The following VSNL1 variants were observed in gnomAD, a reference collection of about 807,000 sequenced individuals.
The protein encoded by VSNL1 is visinin-like protein 1.
Under a neutral mutation model 20.4 loss-of-function variants are expected in VSNL1, and 6 were observed. That is an observed-to-expected ratio of 0.29 (90% CI 0.16 to 0.58). VSNL1 has a LOEUF of 0.58. Among genes scored for constraint, VSNL1 ranks in the 20% least tolerant of loss-of-function variants. VSNL1 has a pLI of 0.90. For missense variants in VSNL1, 100 were observed against 234.5 expected, an observed-to-expected ratio of 0.43 and a Z score of 3.75; for synonymous variants, 93 against 86.4, an observed-to-expected ratio of 1.08 and a Z score of -0.42.
chr2:17,559,579 C>T (rs1225751280), intron 1 of VSNL1, among the ~76,000 whole-genome samples: 1 of 152,112 alleles, frequency 6.6e-6, no homozygotes, highest in East Asian at 1.9e-4. Flanking sequence ...GCTTTAGTTT[C>T]ATCATATGTA....
chr2:17,633,312 C>T (rs941190443), intron 2 of VSNL1, among the ~76,000 whole-genome samples: 3 of 125,126 alleles, frequency 2.4e-5, no homozygotes, highest in African/African-American at 6.1e-5. Context: ...GGTGGAGACA[C>T]AGCCAAACCA....
intron 1 of VSNL1, among the ~76,000 whole-genome samples, chr2:17,573,769 G>A (rs1664135952): frequency 6.6e-6 from 1 of 152,220 alleles, no homozygotes; most frequent in Admixed American, 6.5e-5. Context: ...CAACTGAAGA[G>A]AATATTGGAT....
At chr2:17,563,425 T>C (rs1040031576) in intron 1 of VSNL1, among the ~76,000 whole-genome samples, 1 of 152,162 alleles carries the variant, frequency 6.6e-6, no homozygotes, top group Non-Finnish European at 1.5e-5. Flanking sequence ...ATGGAGAGAA[T>C]ACAGAATATG....
At chr2:17,541,770 A>G (rs1663289840) in intron 1 of VSNL1, 1 of 152,240 alleles carries the variant, frequency 6.6e-6, no homozygotes, top group East Asian at 1.9e-4. Flanking sequence ...AGAAACTGGA[A>G]GAAGGGTCTT....
chr2:17,651,911 G>A (rs897806424), intron 3 of VSNL1, among the ~76,000 whole-genome samples: 1 of 152,208 alleles, frequency 6.6e-6, no homozygotes, highest in African/African-American at 2.4e-5. Context: ...AGAGTGCTGA[G>A]ATTAGTTTTG....
intron 1 of VSNL1, among the ~76,000 whole-genome samples, chr2:17,553,814 A>G (rs1312007843): frequency 6.6e-6 from 1 of 152,240 alleles, no homozygotes; most frequent in Non-Finnish European, 1.5e-5. Flanking sequence ...TATCCATTAA[A>G]TGCTTAGCGG....
At chr2:17,627,460 G>C (rs1263684659) in intron 2 of VSNL1, among the ~76,000 whole-genome samples, 2 of 152,204 alleles carry the variant, frequency 1.3e-5, no homozygotes, top group African/African-American at 4.8e-5. Context: ...GTCTATGCAG[G>C]AGATGAGTTT....
At chr2:17,596,236 G>T (rs1440936214) in intron 2 of VSNL1, among the ~76,000 whole-genome samples, 2 of 152,182 alleles carry the variant, frequency 1.3e-5, no homozygotes, top group Non-Finnish European at 2.9e-5. Context: ...AGGGATTTCT[G>T]TGTGTCTGGC....
At chr2:17,646,048 A>T (rs1236526073) in intron 2 of VSNL1, among the ~76,000 whole-genome samples, 1 of 152,110 alleles carries the variant, frequency 6.6e-6, no homozygotes, top group African/African-American at 2.4e-5. Flanking sequence ...ATCACAGTAA[A>T]ATTTTATACT....
At chr2:17,652,927 C>T (rs867889213) in intron 3 of VSNL1, among the ~76,000 whole-genome samples, 10 of 152,308 alleles carry the variant, frequency 6.6e-5, no homozygotes, top group African/African-American at 1.2e-4. Flanking sequence ...CCTTGTGCTG[C>T]GGTCCAGGAA....
intron 1 of VSNL1, among the ~76,000 whole-genome samples, chr2:17,550,364 T>C (rs748281778): frequency 1.1e-4 from 16 of 152,120 alleles, no homozygotes; most frequent in Non-Finnish European, 2.1e-4. Flanking sequence ...AAGCCTAAAT[T>C]ATGGAAGGTT....
intron 2 of VSNL1, among the ~76,000 whole-genome samples, chr2:17,617,889 G>GTA (rs879727150): frequency 6.7e-6 from 1 of 149,660 alleles, no homozygotes; most frequent in African/African-American, 2.5e-5. Flanking sequence ...ACATGCACGC[G>GTA]CACACACACA....
intron 2 of VSNL1, among the ~76,000 whole-genome samples, chr2:17,638,755 C>A (rs1665815785): frequency 6.6e-6 from 1 of 152,202 alleles, no homozygotes; most frequent in African/African-American, 2.4e-5. Flanking sequence ...CTAAGTTGGT[C>A]CTTCTTGACC....
chr2:17,581,492 C>A (rs145635497), intron 1 of VSNL1, among the ~76,000 whole-genome samples: 22 of 152,228 alleles, frequency 1.4e-4, no homozygotes, highest in African/African-American at 4.8e-4. Flanking sequence ...TGTGATGGAC[C>A]TTTAGGTAGT....
intron 2 of VSNL1, among the ~76,000 whole-genome samples, chr2:17,614,028 G>A (rs1378946714): frequency 3.9e-5 from 6 of 152,202 alleles, no homozygotes; most frequent in Non-Finnish European, 7.4e-5. Flanking sequence ...CGCATGGGGA[G>A]GTGGCTGGTC....
chr2:17,622,505 AAAAAGAAAGAAAG>A (rs1665386675), intron 2 of VSNL1, among the ~76,000 whole-genome samples: 3 of 145,048 alleles, frequency 2.1e-5, no homozygotes. Context: ...CTCAAAAAAA[AAAAAGAAAGAAAG>A]AAAAGAAAGA....
intron 1 of VSNL1, among the ~76,000 whole-genome samples, chr2:17,571,057 A>G (rs1664070262): frequency 6.6e-6 from 1 of 152,186 alleles, no homozygotes; most frequent in Non-Finnish European, 1.5e-5. Flanking sequence ...AATTTACCCA[A>G]AATAAACTGG....
In VSNL1 at chr2:17,644,506, C is replaced by G. The variant is rs528740860; in HGVS notation, c.163-4904C>G. ...AGGAAGGTCAAGACCCCGGAAGAGA[C>G]AGGCCGAGGGTCTGTCTGCAGGGCT... On this transcript the variant is annotated intron_variant, in intron 2 of 3. Transcript: ENST00000295156. Among the ~76,000 whole-genome samples the G allele has an allele frequency of 3.3e-5, 5 of 152,346 alleles. No homozygotes were observed. In the South Asian group the frequency reaches 1.0e-3, roughly 32 times the overall value.
intron 2 of VSNL1, among the ~76,000 whole-genome samples, chr2:17,611,771 T>C (rs1665093888): frequency 6.6e-6 from 1 of 152,190 alleles, no homozygotes; most frequent in African/African-American, 2.4e-5. Flanking sequence ...ACTGCTATAC[T>C]CTTGTCCTGC....
Sources: gnomAD v4.1 joint callset for allele counts (sites outside exome capture counted in the v4.1 genomes callset) on GRCh38, gnomAD v4.1.1 for gene constraint, MANE v1.5 for transcripts, NCBI Gene and HGNC (gene_info 2026-07-23, HGNC 2026-07-21) for gene names.